The following RALYL variants were observed in gnomAD, a reference collection of about 807,000 sequenced individuals.
The protein encoded by RALYL is RALY RNA binding protein like.
A neutral mutation model predicts 35.1 loss-of-function variants in RALYL; 29 were observed. The ratio of observed to expected loss-of-function variants is 0.83; its 90% CI spans 0.61 to 1.13. The LOEUF is 1.13. Ranked by LOEUF, RALYL falls within the 50% of genes most tolerant of loss-of-function variation. The probability of loss-of-function intolerance (pLI) is 0.00; values close to 1 mark genes in which losing one functional copy is unlikely to be tolerated. For missense variants in RALYL, 359 were observed against 360.4 expected, an observed-to-expected ratio of 1.00 and a Z score of 0.03; for synonymous variants, 120 against 127.6, an observed-to-expected ratio of 0.94 and a Z score of 0.40.
intron 1 of RALYL, among the ~76,000 whole-genome samples, chr8:84,343,744 C>T (rs1263641854): frequency 6.6e-6 from 1 of 151,902 alleles, no homozygotes; most frequent in African/African-American, 2.4e-5. Context: ...TTCCTCCTGC[C>T]TCAGCCTCCC....
At chr8:84,775,708 G>T (rs891956853) in intron 3 of RALYL, among the ~76,000 whole-genome samples, 5 of 152,124 alleles carry the variant, frequency 3.3e-5, no homozygotes, top group African/African-American at 1.2e-4. Flanking sequence ...CACCTTTGTT[G>T]TTCTGTATAT....
chr8:84,595,511 G>C (rs137990422), intron 2 of RALYL, among the ~76,000 whole-genome samples: 3 of 152,120 alleles, frequency 2.0e-5, no homozygotes, highest in Non-Finnish European at 4.4e-5. Flanking sequence ...TCTGGCAGCA[G>C]CACTTAAAGC....
intron 2 of RALYL, among the ~76,000 whole-genome samples, chr8:84,726,267 A>G (rs1030455585): frequency 2.0e-5 from 3 of 146,650 alleles, no homozygotes; most frequent in Middle Eastern, 3.6e-3. Context: ...TTTTATTTTT[A>G]TATATTTTAT....
intron 1 of RALYL, among the ~76,000 whole-genome samples, chr8:84,282,499 T>TA (rs1836764553): frequency 6.6e-6 from 1 of 151,998 alleles, no homozygotes; most frequent in Non-Finnish European, 1.5e-5. Flanking sequence ...CTACTGGGAG[T>TA]AAAAAGGCAG....
chr8:84,614,787 T>TC (rs1819075123), intron 2 of RALYL, among the ~76,000 whole-genome samples: 1 of 151,038 alleles, frequency 6.6e-6, no homozygotes, highest in Non-Finnish European at 1.5e-5. Flanking sequence ...TTTTTTTTTT[T>TC]TTTTCATTTT....
intron 1 of RALYL, among the ~76,000 whole-genome samples, chr8:84,524,840 C>A (rs1038874733): frequency 5.3e-5 from 8 of 151,866 alleles, no homozygotes; most frequent in Admixed American, 2.6e-4. Context: ...GATACTTGAA[C>A]TTTTTATTCT....
chr8:84,714,838 A>G (rs943218903), intron 2 of RALYL, among the ~76,000 whole-genome samples: 1 of 151,930 alleles, frequency 6.6e-6, no homozygotes, highest in African/African-American at 2.4e-5. Flanking sequence ...TGCCAGCACA[A>G]GTTGGCATTA....
intron 1 of RALYL, among the ~76,000 whole-genome samples, chr8:84,365,257 G>C (rs1428851122): frequency 2.0e-5 from 3 of 152,108 alleles, no homozygotes; most frequent in Non-Finnish European, 4.4e-5. Flanking sequence ...GGTTCCACCA[G>C]TCTTCTCTTA....
intron 2 of RALYL, among the ~76,000 whole-genome samples, chr8:84,546,941 A>G (rs956551773): frequency 6.7e-6 from 1 of 149,408 alleles, no homozygotes; most frequent in Admixed American, 6.8e-5. Context: ...TTAGATTTAC[A>G]TCTTAGTTCT....
intron 2 of RALYL, among the ~76,000 whole-genome samples, chr8:84,655,917 C>T (rs1829871664): frequency 6.6e-6 from 1 of 152,060 alleles, no homozygotes; most frequent in Non-Finnish European, 1.5e-5. Flanking sequence ...GAATCAGCAA[C>T]CTTGTTTAGT....
intron 1 of RALYL, among the ~76,000 whole-genome samples, chr8:84,261,044 C>G (rs1243810269): frequency 6.7e-6 from 1 of 149,908 alleles, no homozygotes; most frequent in African/African-American, 2.4e-5. Flanking sequence ...CCTTAAGATA[C>G]TTAATTATGT....
chr8:84,809,848 T>C (rs1008732823), intron 4 of RALYL, among the ~76,000 whole-genome samples: 1 of 152,172 alleles, frequency 6.6e-6, no homozygotes, highest in African/African-American at 2.4e-5. Context: ...CGTTTCTTAA[T>C]GAGGTTATTT....
intron 1 of RALYL, among the ~76,000 whole-genome samples, chr8:84,263,335 A>T (rs1400351658): frequency 6.6e-6 from 1 of 152,188 alleles, no homozygotes; most frequent in Non-Finnish European, 1.5e-5. Flanking sequence ...AAAACTTCCC[A>T]TGTGTAAGAG....
chr8:84,343,601 C>T (rs1456568379), intron 1 of RALYL, among the ~76,000 whole-genome samples: 1 of 151,838 alleles, frequency 6.6e-6, no homozygotes, highest in East Asian at 1.9e-4. Context: ...AGAAGGCTAA[C>T]ACAATATGAT....
intron 2 of RALYL, among the ~76,000 whole-genome samples, chr8:84,722,571 T>C (rs1387065): frequency 0.98 from 141,771 of 144,514 alleles, 69,545 homozygotes; most frequent in East Asian, 1. Flanking sequence ...AATACACAGC[T>C]GTCAGAACTA....
chr8:84,356,904 T>TAC (rs1851953440), intron 1 of RALYL, among the ~76,000 whole-genome samples: 3,740 of 151,712 alleles, frequency 0.025, 222 homozygotes, highest in African/African-American at 0.034. Flanking sequence ...AATAATAGAG[T>TAC]AAATAGTGTT....
At chr8:84,825,963 TAC>T (rs1208274507) in intron 4 of RALYL, among the ~76,000 whole-genome samples, 4 of 152,208 alleles carry the variant, frequency 2.6e-5, no homozygotes, top group African/African-American at 9.6e-5. Flanking sequence ...CATGGAATAC[TAC>T]ACAGACATGA....
intron 1 of RALYL, among the ~76,000 whole-genome samples, chr8:84,444,755 G>T (rs2048689918): frequency 6.6e-6 from 1 of 152,072 alleles, no homozygotes; most frequent in South Asian, 2.1e-4. Flanking sequence ...GTAAATTTAA[G>T]TAATTTAATT....
intron 2 of RALYL, among the ~76,000 whole-genome samples, chr8:84,761,688 C>T (rs1812747131): frequency 6.6e-6 from 1 of 152,082 alleles, no homozygotes; most frequent in South Asian, 2.1e-4. Flanking sequence ...TTGATTAACT[C>T]ATTCCCATAT....
Sources: allele counts gnomAD v4.1 joint callset (sites outside exome capture counted in the v4.1 genomes callset), GRCh38; gene constraint gnomAD v4.1.1; transcripts MANE v1.5; gene names NCBI Gene and HGNC (gene_info 2026-07-23, HGNC 2026-07-21).